Variants in FN3K observed in about 807,000 individuals in gnomAD.
FN3K encodes the protein fructosamine 3 kinase, also known as fructosamine-3-kinase.
FN3K carries 24 observed loss-of-function variants against 24.8 expected under a neutral mutation model. That is an observed-to-expected ratio of 0.97 (90% CI 0.70 to 1.36). The LOEUF (loss-of-function observed/expected upper bound fraction) is 1.36. Ranked by LOEUF, FN3K falls within the 40% of genes most tolerant of loss-of-function variation. The pLI is 0.00. For synonymous variants in FN3K, 192 were observed against 175.2 expected, an observed-to-expected ratio of 1.10 and a Z score of -0.76; for missense variants, 449 against 416.7, an observed-to-expected ratio of 1.08 and a Z score of -0.67.
chr17:82,750,372 G>C (rs1412733577), intron 5 of FN3K, 45 bp from the exon 6 acceptor site: 2 of 1,538,678 alleles, frequency 1.3e-6, no homozygotes, highest in Non-Finnish European at 1.8e-6. Context: ...TGATGAGACC[G>C]GGGCTCCCAG....
intron 5 of FN3K, chr17:82,749,458 G>T: frequency 3.6e-6 from 1 of 275,596 alleles, no homozygotes; most frequent in Non-Finnish European, 7.1e-6. Flanking sequence ...GAGGTCAGGA[G>T]TTTGAGACCA....
chr17:82,738,500 G>T lies in FN3K; in HGVS notation c.153G>T (p.Met51Ile). The part of the protein sequence containing the change: ...KVNRRTQARQ[M>I]FEGEVASLEA... ...TGTTCTGGATGCAGGCCCGGCAGAT[G>T]TTTGAGGGGGAGGTGGCCAGCCTGG... The change falls in exon 2 of 6, where the codon ATG (methionine) becomes ATT (isoleucine). Residue 51 changes from methionine to isoleucine, a missense_variant. Transcript: ENST00000300784. The T allele has an allele frequency of 6.2e-7, 1 of 1,612,410 alleles. No individual in the cohort carries two copies.
chr17:82,750,715 G>A lies in FN3K; in HGVS notation c.890G>A (p.Arg297Lys), dbSNP rs1225276518. 34 of 1,613,512 alleles carry A rather than the reference G, an allele frequency of 2.1e-5. No homozygotes were observed. Among genetic ancestry groups the A allele is most frequent in the Non-Finnish European group, 2.6e-5 (31 of 1,179,980 alleles). Residue 297 changes from arginine to lysine, a missense_variant, in exon 6 of 6, where the codon AGG (arginine) becomes AAG (lysine). Arg to Lys is a conservative substitution (Grantham distance 26). Transcript: ENST00000300784. Reference protein sequence around the residue: ...NHWNHFGREYRSPSLGTMRRL... With the variant: ...NHWNHFGREYKSPSLGTMRRL... The stretch of plus-strand genomic sequence containing the variant: ...TGGAACCACTTCGGGCGGGAGTACA[G>A]GAGCCCTTCCTTGGGCACCATGCGA...
chr17:82,744,004 G>C (rs1469660513), intron 4 of FN3K, among the ~76,000 whole-genome samples: 1 of 152,256 alleles, frequency 6.6e-6, no homozygotes, highest in Non-Finnish European at 1.5e-5. Context: ...TCTGGAAAGA[G>C]TACAGAGCTC....
intron 1 of FN3K, among the ~76,000 whole-genome samples, chr17:82,737,230 C>A (rs1172351454): frequency 2.0e-5 from 3 of 152,194 alleles, no homozygotes; most frequent in African/African-American, 7.2e-5. Context: ...TGGTCTCATT[C>A]ATGAGGTTTG....
chr17:82,740,910 T>G, intron 3 of FN3K, 56 bp downstream of exon 3: 1 of 1,157,204 alleles, frequency 8.6e-7, no homozygotes, highest in Non-Finnish European at 1.3e-6. Context: ...CTACCCTAGA[T>G]GGGTGCTCAT....
chr17:82,739,230 G>C (rs942439217), intron 2 of FN3K, among the ~76,000 whole-genome samples: 1 of 151,814 alleles, frequency 6.6e-6, no homozygotes, highest in African/African-American at 2.4e-5. Context: ...TAACAGGCCT[G>C]AGCCACCACA....
At chr17:82,749,531 G>A (rs2046988606) in intron 5 of FN3K, 2 of 201,538 alleles carry the variant, frequency 9.9e-6, no homozygotes, top group Non-Finnish European at 2.0e-5. Flanking sequence ...GTGCATGGTG[G>A]TGCATGCCTG....
chr17:82,735,692 G>T lies in FN3K; in HGVS notation c.56G>T (p.Gly19Val), dbSNP rs1178742492. 1.9e-6 allele frequency: 3 copies of T among 1,543,276 alleles called. No individual in the cohort carries two copies. The highest frequency in any genetic ancestry group is 2.0e-5 in the Admixed American group (1 of 50,952). ...LRTATLRAFG[G>V]PGAGCISEGR... Reference sequence around the variant, plus strand: ...ACCGCGACCCTGCGGGCCTTCGGCGGCCCCGGCGCCGGCTGCATCAGCGAG... The same window carrying T: ...ACCGCGACCCTGCGGGCCTTCGGCGTCCCCGGCGCCGGCTGCATCAGCGAG... The change falls in exon 1 of 6, where the codon GGC becomes GTC. Residue 19 changes from glycine to valine, a missense_variant. Transcript: ENST00000300784.
intron 4 of FN3K, among the ~76,000 whole-genome samples, chr17:82,746,244 G>A (rs1472069964): frequency 2.6e-5 from 4 of 152,090 alleles, no homozygotes; most frequent in South Asian, 2.1e-4. Flanking sequence ...CCTAGTGGGC[G>A]TGAAATATTA....
intron 4 of FN3K, among the ~76,000 whole-genome samples, chr17:82,744,742 T>C (rs1362219223): frequency 6.6e-6 from 1 of 152,184 alleles, no homozygotes; most frequent in African/African-American, 2.4e-5. Context: ...GGGGGATGTG[T>C]CAGGGTCACA....
intron 3 of FN3K, 178 bp downstream of exon 3, chr17:82,741,032 A>G (rs1160903820): frequency 1.5e-6 from 1 of 672,236 alleles, no homozygotes; most frequent in Non-Finnish European, 2.7e-6. Context: ...CTGATAAGCT[A>G]GTAGAATTGG....
At chr17:82,745,387 A>C (rs1165504253) in intron 4 of FN3K, 2 of 155,672 alleles carry the variant, frequency 1.3e-5, no homozygotes, top group Non-Finnish European at 1.4e-5. Flanking sequence ...AGATTAACAG[A>C]ATCTCAAGGC....
chr17:82,746,977 A>AC (rs1470383903), intron 4 of FN3K, among the ~76,000 whole-genome samples: 2 of 151,874 alleles, frequency 1.3e-5, no homozygotes, highest in African/African-American at 4.8e-5. Flanking sequence ...GGCACCTGCC[A>AC]CCACGCCTGG....
At chr17:82,741,430 A>G in intron 4 of FN3K, 37 bp downstream of exon 4, 1 of 1,559,036 alleles carries the variant, frequency 6.4e-7, no homozygotes, top group Non-Finnish European at 8.8e-7. Flanking sequence ...TGATGCCCTA[A>G]TGCTGGTCAC....
At chr17:82,741,556 G>T in intron 4 of FN3K, 163 bp downstream of exon 4, 1 of 664,756 alleles carries the variant, frequency 1.5e-6, no homozygotes, top group Admixed American at 2.2e-5. Context: ...CAGACGCTGA[G>T]GGTCACTGAG....
In FN3K at chr17:82,738,586, C is replaced by T. The variant is rs564185306; in HGVS notation, c.239C>T (p.Pro80Leu). Residue 80 changes from proline to leucine, a missense_variant, in exon 2 of 6, where the codon CCG becomes CTG. Pro to Leu is a moderately conservative substitution (Grantham distance 98). Transcript: ENST00000300784. ...VPRPMKVIDL[P>L]GGGAAFVMEH... ...AGGCCCATGAAGGTCATCGACCTGCCGGGAGGTGGGGCCGCCTTTGTGATG... is the reference window on the plus strand; with the variant it reads ...AGGCCCATGAAGGTCATCGACCTGCTGGGAGGTGGGGCCGCCTTTGTGATG... 36 of 1,613,984 alleles carry T rather than the reference C, an allele frequency of 2.2e-5. No individual in the cohort carries two copies. The highest frequency in any genetic ancestry group is 9.3e-5 in the African/African-American group (7 of 75,022).
intron 4 of FN3K, among the ~76,000 whole-genome samples, chr17:82,744,898 A>C (rs953246005): frequency 3.9e-5 from 6 of 152,250 alleles, no homozygotes; most frequent in Non-Finnish European, 5.9e-5. Flanking sequence ...TGCTGCCCGC[A>C]TGTCCCACCT....
chr17:82,745,745 T>G (rs4563066), intron 4 of FN3K: 6,501 of 152,188 alleles, frequency 0.043, 292 homozygotes, highest in African/African-American at 0.11. Context: ...TTATCTCGGG[T>G]AAATACCTAG....
Sources: gnomAD v4.1 joint callset for allele counts (sites outside exome capture counted in the v4.1 genomes callset) on GRCh38, gnomAD v4.1.1 for gene constraint, MANE v1.5 for transcripts, NCBI Gene and HGNC (gene_info 2026-07-23, HGNC 2026-07-21) for gene names.